The following KCNK2 variants were observed in gnomAD, a reference collection of about 807,000 sequenced individuals.
KCNK2 encodes potassium channel subfamily K member 2.
Under a neutral mutation model 40.5 loss-of-function variants are expected in KCNK2, and 21 were observed. The ratio of observed to expected loss-of-function variants is 0.52; its 90% CI spans 0.37 to 0.75. The LOEUF (loss-of-function observed/expected upper bound fraction) is 0.75. KCNK2 is among the 30% of genes least tolerant of loss of function. The pLI, the probability that KCNK2 is intolerant of heterozygous loss-of-function variation, is 0.00. For synonymous variants in KCNK2, 191 were observed against 202.2 expected, an observed-to-expected ratio of 0.94 and a Z score of 0.47; for missense variants, 399 against 531.6, an observed-to-expected ratio of 0.75 and a Z score of 2.45.
chr1:215,210,548 C>T lies in KCNK2; in HGVS notation c.963+15456C>T, dbSNP rs150429674. On this transcript the variant is annotated intron_variant, in intron 6 of 6. Coordinates refer to ENST00000444842, the MANE Select transcript of KCNK2 (RefSeq NM_001017425.3). ...GATGCATAGCACTAATTATTTCATT[C>T]CAGGAGTACTCATTGATTTGTTTGT... Among the ~76,000 whole-genome samples the T allele has an allele frequency of 5.5e-4, 84 of 152,074 alleles. 1 individual carries two copies. Among genetic ancestry groups the T allele is most frequent in the African/African-American group, 2.0e-3 (83 of 41,502 alleles).
intron 5 of KCNK2, among the ~76,000 whole-genome samples, chr1:215,181,557 A>G (rs748293400): frequency 3.9e-5 from 6 of 151,998 alleles, no homozygotes; most frequent in African/African-American, 9.7e-5. Flanking sequence ...TAATGTTGCT[A>G]TGTTCCTCTT....
chr1:215,162,437 T>C (rs1214621468), intron 3 of KCNK2, among the ~76,000 whole-genome samples: 1 of 152,246 alleles, frequency 6.6e-6, no homozygotes, highest in Non-Finnish European at 1.5e-5. Flanking sequence ...AAATCCCGTT[T>C]GTCAATTTTG....
chr1:215,016,832 A>G (rs2102474699), intron 1 of KCNK2, among the ~76,000 whole-genome samples: 1 of 152,282 alleles, frequency 6.6e-6, no homozygotes, highest in Middle Eastern at 3.4e-3. Flanking sequence ...AGAAGAAAAT[A>G]TTTGCAAACC....
At chr1:215,081,494 A>G (rs1196627383), upstream of KCNK2, among the ~76,000 whole-genome samples, 1 of 151,682 alleles carries the variant, frequency 6.6e-6, no homozygotes, top group Non-Finnish European at 1.5e-5. Flanking sequence ...TTTTTTTAAT[A>G]GGGGAAAGAG....
intron 1 of KCNK2, among the ~76,000 whole-genome samples, chr1:215,035,056 G>T (rs1657338347): frequency 6.6e-6 from 1 of 151,910 alleles, no homozygotes; most frequent in African/African-American, 2.4e-5. Flanking sequence ...TTTCAAATTT[G>T]CTAACTCCTA....
At chr1:215,149,676 TAACTC>T (rs1336935201) in intron 3 of KCNK2, among the ~76,000 whole-genome samples, 1 of 152,190 alleles carries the variant, frequency 6.6e-6, no homozygotes, top group African/African-American at 2.4e-5. Flanking sequence ...AATCAGAAGT[TAACTC>T]AATAAGTACG....
intron 2 of KCNK2, among the ~76,000 whole-genome samples, chr1:215,117,164 G>T (rs1463177407): frequency 6.6e-6 from 1 of 151,812 alleles, no homozygotes; most frequent in Non-Finnish European, 1.5e-5. Flanking sequence ...TATAACTACA[G>T]AATTTCTGAA....
intron 6 of KCNK2, among the ~76,000 whole-genome samples, chr1:215,234,456 T>G (rs945311055): frequency 1.3e-5 from 2 of 152,210 alleles, no homozygotes; most frequent in African/African-American, 4.8e-5. Flanking sequence ...ATTCCAATAC[T>G]TCTTGAAATT....
intron 5 of KCNK2, among the ~76,000 whole-genome samples, chr1:215,187,675 C>T (rs1664501800): frequency 6.6e-6 from 1 of 151,516 alleles, no homozygotes; most frequent in South Asian, 2.1e-4. Flanking sequence ...AGGGTCTATA[C>T]CTTAAAGGGG....
chr1:215,053,208 G>A (rs1167541158), intron 1 of KCNK2, among the ~76,000 whole-genome samples: 1 of 152,108 alleles, frequency 6.6e-6, no homozygotes, highest in African/African-American at 2.4e-5. Flanking sequence ...CAAGTCCATG[G>A]AAAGACATGA....
chr1:215,131,376 T>C, intron 3 of KCNK2, among the ~76,000 whole-genome samples: 1 of 147,122 alleles, frequency 6.8e-6, no homozygotes, highest in Non-Finnish European at 1.5e-5. Context: ...ACATATTAAT[T>C]TTATTGATAT....
chr1:215,124,545 A>G lies in KCNK2; in HGVS notation c.358-88A>G, dbSNP rs905689408. The G allele has an allele frequency of 6.2e-6, 5 of 805,112 alleles. No homozygotes were observed. In the Middle Eastern group the frequency reaches 6.8e-4, roughly 109 times the overall value. The allele number at this position is 805,112 out of a possible 1,614,324, so 49.9% of individuals were successfully genotyped here. ...AATGTTAGAGTTGATTCTCTTTGTCAAATAAGTCATTTCTGGGGTGGAATA... is the reference window on the plus strand; with the variant it reads ...AATGTTAGAGTTGATTCTCTTTGTCGAATAAGTCATTTCTGGGGTGGAATA... On this transcript the variant is annotated intron_variant, in intron 2 of 6. Transcript: ENST00000444842.
intron 3 of KCNK2, among the ~76,000 whole-genome samples, chr1:215,158,346 A>G (rs552971884): frequency 6.6e-6 from 1 of 152,290 alleles, no homozygotes; most frequent in African/African-American, 2.4e-5. Context: ...TGATGTAAAT[A>G]GACTTCCTGA....
chr1:215,090,625 A>G (rs1659653263), intron 2 of KCNK2, among the ~76,000 whole-genome samples: 2 of 152,182 alleles, frequency 1.3e-5, no homozygotes, highest in Non-Finnish European at 2.9e-5. Flanking sequence ...TCTGGTCTTC[A>G]TTTATTTCTG....
intron 6 of KCNK2, among the ~76,000 whole-genome samples, chr1:215,212,208 T>A (rs560827690): frequency 8.7e-4 from 132 of 152,288 alleles, no homozygotes; most frequent in African/African-American, 3.1e-3. Flanking sequence ...GGAAGCTTTT[T>A]TGCATGTTTA....
intron 2 of KCNK2, among the ~76,000 whole-genome samples, chr1:215,099,800 G>A (rs1447603214): frequency 3.3e-5 from 5 of 152,052 alleles, no homozygotes; most frequent in Non-Finnish European, 7.4e-5. Flanking sequence ...CCACAATTAT[G>A]TATCTGTTCT....
rs1666561695 is a variant in KCNK2, at chr1:215,230,050, C to T, written c.964-4778C>T. On this transcript the variant is annotated intron_variant, in intron 6 of 6. Coordinates refer to ENST00000444842, the MANE Select transcript of KCNK2 (RefSeq NM_001017425.3). The stretch of plus-strand genomic sequence containing the variant: ...ATATATACATATATAGATATATATA[C>T]ACACAGATATATATATAGATATATA... Among the ~76,000 whole-genome samples the T allele has an allele frequency of 2.8e-5, 4 of 141,952 alleles. No homozygotes were observed. The South Asian group carries it at 8.6e-4, about 31-fold the overall frequency. The allele number at this position is 141,952 out of a possible 152,430, so 93.1% of individuals were successfully genotyped here.
intron 3 of KCNK2, among the ~76,000 whole-genome samples, chr1:215,129,031 G>C (rs1187581436): frequency 8.5e-5 from 13 of 152,190 alleles, no homozygotes; most frequent in Non-Finnish European, 2.9e-5. Flanking sequence ...CCCAGGGAAG[G>C]AGGGATGTAT....
At chr1:215,020,401 A>G (rs1227009233) in intron 1 of KCNK2, among the ~76,000 whole-genome samples, 2 of 152,166 alleles carry the variant, frequency 1.3e-5, no homozygotes, top group African/African-American at 4.8e-5. Context: ...AATCCCCAAA[A>G]TACGTTGAGC....
Sources: gnomAD v4.1 joint callset for allele counts (sites outside exome capture counted in the v4.1 genomes callset) on GRCh38, gnomAD v4.1.1 for gene constraint, MANE v1.5 for transcripts, NCBI Gene and HGNC (gene_info 2026-07-23, HGNC 2026-07-21) for gene names.